Variants in CTPS2 observed in about 807,000 individuals in gnomAD.
CTPS2 encodes CTP synthase II.
A neutral mutation model predicts 46.8 loss-of-function variants in CTPS2; 19 were observed. The observed-to-expected ratio is 0.41, with a 90% CI of 0.28 to 0.60. The LOEUF is 0.60. Ranked by LOEUF, CTPS2 falls within the 20% of genes least tolerant of loss-of-function variation. CTPS2 has a pLI of 0.35. For missense variants in CTPS2, 286 were observed against 447.6 expected, an observed-to-expected ratio of 0.64 and a Z score of 3.26; for synonymous variants, 151 against 165.2, an observed-to-expected ratio of 0.91 and a Z score of 0.66.
At chrX:16,663,276 G>T (rs1419090074) in intron 13 of CTPS2, among the ~76,000 whole-genome samples, 1 of 111,301 alleles carries the variant, frequency 9.0e-6, no homozygotes, top group Non-Finnish European at 1.9e-5. Flanking sequence ...CTCCCGAGTA[G>T]CTAGGACTAT....
intron 7 of CTPS2, among the ~76,000 whole-genome samples, chrX:16,691,187 C>T (rs112381781): frequency 3.6e-5 from 4 of 111,899 alleles, no homozygotes; most frequent in Non-Finnish European, 3.8e-5. Flanking sequence ...GGCGTGGTGG[C>T]GCATGCCTAT....
chrX:16,664,079 G>A (rs1435109009), intron 13 of CTPS2, among the ~76,000 whole-genome samples: 1 of 111,543 alleles, frequency 9.0e-6, no homozygotes, highest in Non-Finnish European at 1.9e-5. Context: ...CTTGTGATCT[G>A]CCCGCCTTGG....
chrX:16,704,334 A>T (rs1370474608), intron 1 of CTPS2, among the ~76,000 whole-genome samples: 1 of 112,210 alleles, frequency 8.9e-6, no homozygotes, highest in Non-Finnish European at 1.9e-5. Flanking sequence ...GTTAAAAAAA[A>T]ATGGGCTACC....
intron 17 of CTPS2, among the ~76,000 whole-genome samples, chrX:16,591,772 A>G (rs1162623864): frequency 9.0e-6 from 1 of 111,164 alleles, no homozygotes; most frequent in Non-Finnish European, 1.9e-5. Flanking sequence ...TTCTCCAAGC[A>G]GGTCAAAAGG....
chrX:16,679,949 A>G (rs1448654063), intron 9 of CTPS2, among the ~76,000 whole-genome samples: 1 of 111,630 alleles, frequency 9.0e-6, no homozygotes, highest in Non-Finnish European at 1.9e-5. Context: ...CACCACTGAA[A>G]GATCTTAAGT....
At chrX:16,643,274 G>A (rs1250937427) in intron 13 of CTPS2, among the ~76,000 whole-genome samples, 1 of 111,920 alleles carries the variant, frequency 8.9e-6, no homozygotes, top group Admixed American at 9.5e-5. Flanking sequence ...GTTCCTCATC[G>A]TTGAATATTT....
chrX:16,694,384 TCCTCCTTGGAGGGCGGACTCTGAC>T (rs1382147041), intron 4 of CTPS2, among the ~76,000 whole-genome samples: 18 of 110,831 alleles, frequency 1.6e-4, no homozygotes, highest in Middle Eastern at 9.2e-3. Context: ...GAGAGATGCA[TCCTCCTTGGAGGGCGGACTCTGAC>T]CCTCCTTGGA....
chrX:16,670,277 C>G (rs1477973512), intron 11 of CTPS2, among the ~76,000 whole-genome samples: 1 of 111,963 alleles, frequency 8.9e-6, no homozygotes, highest in African/African-American at 3.2e-5. Flanking sequence ...AAGATTCTAG[C>G]CTCTTTCAGA....
intron 4 of CTPS2, among the ~76,000 whole-genome samples, chrX:16,694,221 G>C (rs1300574205): frequency 1.8e-5 from 2 of 111,674 alleles, no homozygotes; most frequent in East Asian, 5.7e-4. Flanking sequence ...GCCAACAAAA[G>C]GCTCTCAGGA....
chrX:16,656,432 C>T (rs1159955087), intron 13 of CTPS2, among the ~76,000 whole-genome samples: 7 of 103,765 alleles, frequency 6.7e-5, no homozygotes, highest in African/African-American at 1.4e-4. Context: ...TTTTTTGAGA[C>T]GAAGTCTCGC....
chrX:16,624,037 G>A (rs982500114), intron 14 of CTPS2, among the ~76,000 whole-genome samples: 3 of 108,830 alleles, frequency 2.8e-5, no homozygotes, highest in Non-Finnish European at 5.7e-5. Context: ...TCTATCTCCT[G>A]ACCTCGTGAT....
At chrX:16,697,429 CGACTT>C (rs1924204295) in intron 4 of CTPS2, among the ~76,000 whole-genome samples, 2 of 79,006 alleles carry the variant, frequency 2.5e-5, no homozygotes, top group South Asian at 1.6e-3. Flanking sequence ...AGTTCAAATA[CGACTT>C]TTTTTTTTTT....
chrX:16,629,672 C>T (rs771134978), intron 14 of CTPS2, among the ~76,000 whole-genome samples: 8 of 111,472 alleles, frequency 7.2e-5, no homozygotes, highest in Non-Finnish European at 1.3e-4. Context: ...CATATCAATG[C>T]TTTGATAAGA....
Position 16,702,923 on chromosome X carries a change from G to A in CTPS2, c.-21C>T, listed in dbSNP as rs1305196766. 2.5e-6 allele frequency: 3 copies of A among 1,179,804 alleles called. No individual in the cohort carries two copies. In the African/African-American group the frequency reaches 5.3e-5, roughly 21 times the overall value. ...TTCATTGGCAGAATAGTGGCTGGGT[G>A]CCAACACCCAGATATAATCTGAAAG... On this transcript the variant is annotated 5_prime_UTR_variant, in exon 2 of 19. Transcript: ENST00000359276.
At chrX:16,670,318 A>T (rs965423466) in intron 11 of CTPS2, among the ~76,000 whole-genome samples, 1 of 112,127 alleles carries the variant, frequency 8.9e-6, no homozygotes, top group African/African-American at 3.2e-5. Context: ...AGGGTCTGAA[A>T]CTCTGACGTT....
At position 16,647,754 on chromosome X, in the gene CTPS2, A is replaced by C. The variant is rs190918555; in HGVS notation, c.1297-8511T>G. Among the ~76,000 whole-genome samples, 572 of 111,551 alleles carry C rather than the reference A, an allele frequency of 5.1e-3. 4 individuals carry two copies. The highest frequency in any genetic ancestry group is 8.8e-3 in the Non-Finnish European group (466 of 53,141). ...TATCTTTCATCCTATATCGTTACTA[A>C]GATGACATATAGTTATTAAAATCAT... is the stretch of plus-strand genomic sequence containing the variant. On this transcript the variant is annotated intron_variant, in intron 13 of 18. Coordinates refer to ENST00000359276, the MANE Select transcript of CTPS2 (RefSeq NM_175859.3).
chrX:16,669,727 G>A (rs1246191872), intron 11 of CTPS2, among the ~76,000 whole-genome samples: 1 of 109,660 alleles, frequency 9.1e-6, no homozygotes, highest in Non-Finnish European at 1.9e-5. Context: ...GAAATAAATG[G>A]TCTGCTGGCA....
At chrX:16,631,015 A>G (rs1931434493) in intron 14 of CTPS2, among the ~76,000 whole-genome samples, 1 of 112,143 alleles carries the variant, frequency 8.9e-6, no homozygotes, top group African/African-American at 3.2e-5. Context: ...TGAGGCCAAG[A>G]GTTTCAGATC....
chrX:16,607,468 T>C (rs1930038498), intron 17 of CTPS2, among the ~76,000 whole-genome samples: 1 of 112,568 alleles, frequency 8.9e-6, no homozygotes, highest in Non-Finnish European at 1.9e-5. Flanking sequence ...CATGGCCTGC[T>C]CCCGCAGCAG....
Sources: gnomAD v4.1 joint callset for allele counts (sites outside exome capture counted in the v4.1 genomes callset) on GRCh38, gnomAD v4.1.1 for gene constraint, MANE v1.5 for transcripts, NCBI Gene and HGNC (gene_info 2026-07-23, HGNC 2026-07-21) for gene names.